CDKL5: variants seen among roughly 807,000 people sequenced by gnomAD.
The protein encoded by CDKL5 is cyclin dependent kinase like 5, also known as cyclin-dependent kinase-like 5.
A neutral mutation model predicts 61.7 loss-of-function variants in CDKL5; 8 were observed. That is an observed-to-expected ratio of 0.13 (90% CI 0.08 to 0.23). CDKL5 has a LOEUF of 0.23. Among genes scored for constraint, CDKL5 ranks in the 10% least tolerant of loss-of-function variants. CDKL5 has a pLI of 1.00. For missense variants in CDKL5, 440 were observed against 734.5 expected, an observed-to-expected ratio of 0.60 and a Z score of 4.63; for synonymous variants, 275 against 272.3, an observed-to-expected ratio of 1.01 and a Z score of -0.10.
Position 18,486,091 on chromosome X carries a change from C to T in CDKL5, c.-162-20844C>T, listed in dbSNP as rs773833121. 1.9e-3 allele frequency among the ~76,000 whole-genome samples: 213 copies of T among 111,336 alleles called. 1 individual carries two copies. The highest frequency in any genetic ancestry group is 6.6e-3 in the African/African-American group (203 of 30,735). The stretch of plus-strand genomic sequence containing the variant: ...TTATGATTTTGTCCATGCCTTTTTT[C>T]GTGTTATTCCTGGACTTTTGCCCTG... On this transcript the variant is annotated intron_variant, in intron 1 of 17. Transcript: ENST00000623535.
At chrX:18,434,375 G>T (rs1266498623) in intron 1 of CDKL5, among the ~76,000 whole-genome samples, 1 of 111,318 alleles carries the variant, frequency 9.0e-6, no homozygotes, top group Non-Finnish European at 1.9e-5. Context: ...TTGTGTGGTT[G>T]GTTGTGTCTG....
intron 4 of CDKL5, among the ~76,000 whole-genome samples, chrX:18,565,807 A>G (rs1004952216): frequency 8.9e-6 from 1 of 112,025 alleles, no homozygotes; most frequent in Non-Finnish European, 1.9e-5. Context: ...TAAAAAGTGG[A>G]AGGTAAAAAA....
intron 1 of CDKL5, among the ~76,000 whole-genome samples, chrX:18,504,242 C>A (rs935883135): frequency 3.6e-5 from 4 of 110,645 alleles, no homozygotes; most frequent in African/African-American, 9.9e-5. Context: ...CAACCATGCC[C>A]ACCAGGCTAG....
At chrX:18,596,173 A>G (rs1022228188) in intron 10 of CDKL5, among the ~76,000 whole-genome samples, 4 of 111,744 alleles carry the variant, frequency 3.6e-5, no homozygotes, top group African/African-American at 1.3e-4. Context: ...CAGTCAGTCA[A>G]CTGTCAAAAT....
intron 12 of CDKL5, among the ~76,000 whole-genome samples, chrX:18,605,867 A>T (rs1043964726): frequency 8.9e-6 from 1 of 112,081 alleles, no homozygotes. Flanking sequence ...GCTCTTGGGG[A>T]AGATAAACTG....
At chrX:18,494,739 A>ATT (rs1922110418) in intron 1 of CDKL5, among the ~76,000 whole-genome samples, 2 of 112,453 alleles carry the variant, frequency 1.8e-5, no homozygotes, top group Non-Finnish European at 3.8e-5. Flanking sequence ...CACATAACAT[A>ATT]TTTGGTAGTT....
Position 18,482,837 on chromosome X carries a change from C to A in CDKL5, c.-162-24098C>A, listed in dbSNP as rs758401792. Reference sequence around the variant, plus strand: ...TAGCATAGTTCTAAATTGTTGAGGCCGAGTAGAAAAATTTTCAGTGATATT... The same window carrying A: ...TAGCATAGTTCTAAATTGTTGAGGCAGAGTAGAAAAATTTTCAGTGATATT... On this transcript the variant is annotated intron_variant, in intron 1 of 17. Coordinates refer to ENST00000623535, the MANE Select transcript of CDKL5 (RefSeq NM_001323289.2). Among the ~76,000 whole-genome samples, 15 of 111,121 alleles carry A rather than the reference C, an allele frequency of 1.3e-4. No homozygotes were observed. The East Asian group carries it at 4.2e-3, about 31-fold the overall frequency.
chrX:18,512,754 G>C lies in CDKL5; in HGVS notation c.99+1900G>C, dbSNP rs1190855690. 2.7e-5 allele frequency among the ~76,000 whole-genome samples: 3 copies of C among 111,069 alleles called. No homozygotes were observed. The Admixed American group carries it at 2.9e-4, about 11-fold the overall frequency. On this transcript the variant is annotated intron_variant, in intron 3 of 17. Coordinates refer to ENST00000623535, the MANE Select transcript of CDKL5 (RefSeq NM_001323289.2). ...TAGTTTGAAATTAAACAAATGAAAA[G>C]CTCCCTAATAAAATGCTAAATGCTA...
Position 18,637,237 on chromosome X carries a change from A to T in CDKL5, c.*8480A>T, listed in dbSNP as rs1332694713. 1 of 111,200 alleles carries T rather than the reference A, an allele frequency of 9.0e-6. No individual in the cohort carries two copies. The allele number at this position is 111,200 out of a possible 1,213,427, so 9.2% of individuals were successfully genotyped here. A position where few individuals can be genotyped will look rare whatever the true frequency, so the allele number is the denominator to read the frequency against. On this transcript the variant is annotated 3_prime_UTR_variant, in exon 18 of 18. Transcript: ENST00000623535. ...GAAACCCCGTCTCTACTAAAAATAC[A>T]AAAATTGGGTGTGGTGGTACATGCC...
At chrX:18,509,716 T>C (rs1946211040) in intron 2 of CDKL5, among the ~76,000 whole-genome samples, 1 of 111,709 alleles carries the variant, frequency 9.0e-6, no homozygotes, top group African/African-American at 3.3e-5. Context: ...ACCCCAAAGG[T>C]AGTTACTTGT....
chrX:18,460,886 G>A (rs1932270932), intron 1 of CDKL5, among the ~76,000 whole-genome samples: 2 of 111,936 alleles, frequency 1.8e-5, no homozygotes, highest in Non-Finnish European at 1.9e-5. Flanking sequence ...GCATCACAAT[G>A]AAATTTTCCA....
At chrX:18,555,707 T>G (rs1924577813) in intron 3 of CDKL5, among the ~76,000 whole-genome samples, 1 of 112,470 alleles carries the variant, frequency 8.9e-6, no homozygotes, top group African/African-American at 3.2e-5. Context: ...TAACTTACTG[T>G]CATGCGTTAT....
At chrX:18,455,734 A>G (rs965907866) in intron 1 of CDKL5, among the ~76,000 whole-genome samples, 1 of 112,907 alleles carries the variant, frequency 8.9e-6, no homozygotes, top group African/African-American at 3.2e-5. Context: ...AACAATTATC[A>G]TGTAACAGAA....
intron 1 of CDKL5, among the ~76,000 whole-genome samples, chrX:18,468,903 G>A (rs757216344): frequency 9.0e-6 from 1 of 111,161 alleles, no homozygotes; most frequent in African/African-American, 3.3e-5. Context: ...GAATATAGTA[G>A]GCTAACTATA....
chrX:18,510,803 A>G lies in CDKL5; in HGVS notation c.65-17A>G, dbSNP rs776029783. ...TTTGTATGCGTGCCCTTGATTGTTT[A>G]CTTCTTTTTATTATAGGAGCCTATG... is the stretch of plus-strand genomic sequence containing the variant. On this transcript the variant is annotated splice_polypyrimidine_tract_variant and intron_variant, in intron 2 of 17. Coordinates refer to ENST00000623535, the MANE Select transcript of CDKL5 (RefSeq NM_001323289.2). 11 of 1,181,939 alleles carry G rather than the reference A, an allele frequency of 9.3e-6. No homozygotes were observed. The highest frequency in any genetic ancestry group is 1.3e-5 in the Non-Finnish European group (11 of 868,847).
At chrX:18,427,170 C>T (rs1212144202) in intron 1 of CDKL5, among the ~76,000 whole-genome samples, 4 of 110,834 alleles carry the variant, frequency 3.6e-5, no homozygotes, top group Non-Finnish European at 7.5e-5. Context: ...ATTAAAAGTA[C>T]TATTTTAGGA....
chrX:18,547,854 G>A (rs184556845), intron 3 of CDKL5, among the ~76,000 whole-genome samples: 2 of 112,203 alleles, frequency 1.8e-5, no homozygotes, highest in Admixed American at 1.9e-4. Flanking sequence ...TAAGGAAATT[G>A]AACACTTGAA....
intron 3 of CDKL5, among the ~76,000 whole-genome samples, chrX:18,521,202 T>C (rs1284007195): frequency 8.9e-6 from 1 of 112,321 alleles, no homozygotes; most frequent in Non-Finnish European, 1.9e-5. Flanking sequence ...TTCCAATCCA[T>C]TGAGCATTTT....
chrX:18,505,932 GCCAAAT>G (rs1287989525), intron 1 of CDKL5, among the ~76,000 whole-genome samples: 1 of 112,781 alleles, frequency 8.9e-6, no homozygotes, highest in Non-Finnish European at 1.9e-5. Flanking sequence ...CAGAGTGATT[GCCAAAT>G]GGCGATCTTC....
Sources: allele counts gnomAD v4.1 joint callset (sites outside exome capture counted in the v4.1 genomes callset), GRCh38; gene constraint gnomAD v4.1.1; transcripts MANE v1.5; gene names NCBI Gene and HGNC (gene_info 2026-07-23, HGNC 2026-07-21).